Variants in INTS6L observed in about 807,000 individuals in gnomAD.
INTS6L encodes integrator complex subunit 6 like.
INTS6L carries 18 observed loss-of-function variants against 64.7 expected under a neutral mutation model. The ratio of observed to expected loss-of-function variants is 0.28; its 90% confidence interval spans 0.19 to 0.41. The LOEUF (loss-of-function observed/expected upper bound fraction) is 0.41, where lower values mean the gene tolerates loss of function less well. INTS6L is among the 10% of genes least tolerant of loss of function. The pLI, the probability that INTS6L is intolerant of heterozygous loss-of-function variation, is 1.00. For missense variants in INTS6L, 533 were observed against 661.0 expected (o/e 0.81, Z 2.12); for synonymous variants, 227 against 235.9 (o/e 0.96, Z 0.34).
chrX:135,552,836 AT>A (rs2086539460), intron 8 of INTS6L, among the ~76,000 whole-genome samples: 1 of 112,376 alleles, frequency 8.9e-6, no homozygotes, highest in African/African-American at 3.2e-5. Context: ...CACTGTAAAG[AT>A]GTATGTTCTA....
chrX:135,564,116 T>G (rs1193083597), intron 9 of INTS6L, among the ~76,000 whole-genome samples: 1 of 111,744 alleles, frequency 8.9e-6, no homozygotes, highest in African/African-American at 3.3e-5. Flanking sequence ...CATTCTATTT[T>G]CTCTGTTATT....
intron 2 of INTS6L, among the ~76,000 whole-genome samples, chrX:135,530,536 A>G (rs2085879457): frequency 8.9e-6 from 1 of 112,547 alleles, no homozygotes; most frequent in Admixed American, 9.4e-5. Context: ...TTATGAGGAA[A>G]AGAAAGATAT....
intron 11 of INTS6L, chrX:135,572,323 A>G (rs1238363408): frequency 8.9e-6 from 1 of 112,909 alleles, no homozygotes; most frequent in Non-Finnish European, 1.9e-5. Context: ...AATATAAGAG[A>G]TAAATAGTTT....
rs2085517821 is a variant in INTS6L at position 135,520,878 on chromosome X, C to A, written c.-115C>A. ...CCGTCCCGTCCCGTCTCCCCCTCTT[C>A]CTCTTGCTCCTTGCTCCCCGGCTCT... On this transcript the variant is annotated 5_prime_UTR_variant, in exon 1 of 18. Coordinates refer to ENST00000639893, the MANE Select transcript of INTS6L (RefSeq NM_001351601.3). 1 of 783,023 alleles carries A rather than the reference C, an allele frequency of 1.3e-6. No homozygotes were observed. Among genetic ancestry groups the A allele is most frequent in the South Asian group, 2.4e-5 (1 of 42,482 alleles). 64.5% of individuals were successfully genotyped at this position (783,023 alleles called of 1,213,427 possible).
chrX:135,522,489 A>C (rs1556498191), intron 2 of INTS6L, among the ~76,000 whole-genome samples: 1 of 112,393 alleles, frequency 8.9e-6, no homozygotes, highest in East Asian at 2.8e-4. Flanking sequence ...CTGTTAAATC[A>C]ACCTGCATAA....
chrX:135,565,157 G>C (rs1259190434), intron 9 of INTS6L, among the ~76,000 whole-genome samples: 1 of 111,851 alleles, frequency 8.9e-6, no homozygotes, highest in African/African-American at 3.3e-5. Flanking sequence ...TAAGCTCTAG[G>C]GTCCCATCTT....
chrX:135,566,680 T>C (rs1288413767), intron 9 of INTS6L, among the ~76,000 whole-genome samples: 2 of 112,117 alleles, frequency 1.8e-5, no homozygotes, highest in Non-Finnish European at 3.8e-5. Flanking sequence ...ACCAGAATCA[T>C]TTCATTAAGG....
At position 135,524,450 on chromosome X, in the gene INTS6L, GT is replaced by G. The variant is rs201991290; in HGVS notation, c.189+3144del. 8.1e-3 allele frequency among the ~76,000 whole-genome samples: 827 copies of G among 101,570 alleles called. 5 individuals carry two copies. The highest frequency in any genetic ancestry group is 0.024 in the African/African-American group (671 of 28,135). 88.2% of individuals were successfully genotyped at this position (101,570 alleles called of 115,157 possible). Reference sequence around the variant, plus strand: ...GCTTATACTTTTGCAGAATATGAGTGTTTTTTTTTTTTATTTCTCTAAGGTT... The same window carrying G: ...GCTTATACTTTTGCAGAATATGAGTGTTTTTTTTTTTATTTCTCTAAGGTT... On this transcript the variant is annotated intron_variant, in intron 2 of 17. Transcript: ENST00000639893.
chrX:135,528,196 G>A (rs1556502312), intron 2 of INTS6L, among the ~76,000 whole-genome samples: 1 of 111,433 alleles, frequency 9.0e-6, no homozygotes, highest in Non-Finnish European at 1.9e-5. Context: ...TTGTAACTGT[G>A]TATTGGGAGC....
intron 9 of INTS6L, among the ~76,000 whole-genome samples, chrX:135,557,572 G>A (rs1461963524): frequency 1.8e-5 from 2 of 111,655 alleles, no homozygotes; most frequent in African/African-American, 6.5e-5. Flanking sequence ...CCCTCTTACT[G>A]ACCTTTTAAG....
chrX:135,554,883 C>CTTTTTTTTT lies in INTS6L; in HGVS notation c.1060-1268_1060-1260dup, dbSNP rs35845600. Among the ~76,000 whole-genome samples, 9 of 50,474 alleles carry CTTTTTTTTT rather than the reference C, an allele frequency of 1.8e-4. 1 individual carries two copies. Among genetic ancestry groups the CTTTTTTTTT allele is most frequent in the Non-Finnish European group, 2.5e-4 (8 of 31,769 alleles). 43.8% of individuals were successfully genotyped at this position (50,474 alleles called of 115,157 possible). On this transcript the variant is annotated intron_variant, in intron 8 of 17. Transcript: ENST00000639893. ...CTGAATGTTTACTCTACCAGCATAA[C>CTTTTTTTTT]TTTTTTTTTTTTTTTTTTTTTTTTT...
At chrX:135,554,883 C>T (rs868979216) in intron 8 of INTS6L, among the ~76,000 whole-genome samples, 15 of 50,462 alleles carry the variant, frequency 3.0e-4, no homozygotes, top group East Asian at 8.2e-4. Flanking sequence ...ACCAGCATAA[C>T]TTTTTTTTTT....
chrX:135,580,962 A>G (rs1419988601), intron 16 of INTS6L, 88 bp from the exon 17 acceptor site: 14 of 657,986 alleles, frequency 2.1e-5, no homozygotes, highest in Non-Finnish European at 2.8e-5. Flanking sequence ...TCCACTCACG[A>G]AGAACAATTA....
chrX:135,531,969 G>A (rs1401759644), intron 2 of INTS6L, among the ~76,000 whole-genome samples: 2 of 111,820 alleles, frequency 1.8e-5, no homozygotes, highest in Non-Finnish European at 3.8e-5. Context: ...TGAGGGTGAG[G>A]ACATGACAGA....
chrX:135,576,288 A>G (rs1179944310), intron 14 of INTS6L, among the ~76,000 whole-genome samples: 5 of 99,293 alleles, frequency 5.0e-5, no homozygotes, highest in Non-Finnish European at 8.0e-5. Context: ...AGATCGTACC[A>G]CTGCGCTCCA....
At chrX:135,560,158 C>G (rs1006339666) in intron 9 of INTS6L, among the ~76,000 whole-genome samples, 1 of 112,147 alleles carries the variant, frequency 8.9e-6, no homozygotes, top group African/African-American at 3.2e-5. Context: ...TTTACACTTA[C>G]TTCATTTTTT....
At chrX:135,552,193 T>C (rs1373283364) in intron 8 of INTS6L, 47 bp downstream of exon 8, 1 of 1,079,444 alleles carries the variant, frequency 9.3e-7, no homozygotes, top group East Asian at 3.2e-5. Context: ...CACTCTAGGA[T>C]CTGGGAATTG....
At chrX:135,532,060 T>C (rs2085925745) in intron 2 of INTS6L, among the ~76,000 whole-genome samples, 1 of 112,115 alleles carries the variant, frequency 8.9e-6, no homozygotes, top group Admixed American at 9.4e-5. Flanking sequence ...CTTTCGTGTT[T>C]GATTAGTCTG....
chrX:135,577,569 G>A, intron 15 of INTS6L, 142 bp downstream of exon 15: 1 of 600,987 alleles, frequency 1.7e-6, no homozygotes, highest in Non-Finnish European at 2.5e-6. Context: ...TATTTGGTAG[G>A]TACAATAAAC....
Sources: gnomAD v4.1 joint callset for allele counts (sites outside exome capture counted in the v4.1 genomes callset) on GRCh38, gnomAD v4.1.1 for gene constraint, MANE v1.5 for transcripts, NCBI Gene and HGNC (gene_info 2026-07-23, HGNC 2026-07-21) for gene names.